The following OMA1 variants were observed in gnomAD, a reference collection of about 807,000 sequenced individuals.
The protein encoded by OMA1 is metalloendopeptidase OMA1, mitochondrial.
Under a neutral mutation model 30.9 loss-of-function variants are expected in OMA1, and 38 were observed. The ratio of observed to expected loss-of-function variants is 1.23; its 90% confidence interval spans 0.95 to 1.61. The LOEUF is 1.61. Ranked by LOEUF, OMA1 falls within the 40% of genes most tolerant of loss-of-function variation. OMA1 has a pLI of 0.00. For missense variants in OMA1, 461 were observed against 349.2 expected (o/e 1.32, Z -2.55); for synonymous variants, 173 against 121.9 (o/e 1.42, Z -2.76).
chr1:58,489,877 G>C (rs1054636959), intron 8 of OMA1, among the ~76,000 whole-genome samples: 2 of 152,206 alleles, frequency 1.3e-5, no homozygotes, highest in African/African-American at 2.4e-5. Flanking sequence ...CTGCAGCTGA[G>C]GGTCCTGACT....
chr1:58,500,273 TATG>T (rs1233231167), intron 8 of OMA1, among the ~76,000 whole-genome samples: 3 of 152,182 alleles, frequency 2.0e-5, no homozygotes, highest in African/African-American at 7.2e-5. Context: ...CAGCAGCTGC[TATG>T]ATATTTGCCT....
At chr1:58,494,214 T>A (rs1425863216) in intron 8 of OMA1, among the ~76,000 whole-genome samples, 1 of 152,182 alleles carries the variant, frequency 6.6e-6, no homozygotes, top group African/African-American at 2.4e-5. Context: ...TGGCTAGCCA[T>A]ATGGAGAAAG....
chr1:58,481,750 C>G (rs1215598254), intron 8 of OMA1, among the ~76,000 whole-genome samples: 1 of 152,094 alleles, frequency 6.6e-6, no homozygotes, highest in Non-Finnish European at 1.5e-5. Context: ...GTGCTGTTCT[C>G]ATGATAGTGA....
At chr1:58,539,639 C>CT (rs1387854212) in intron 1 of OMA1, among the ~76,000 whole-genome samples, 14 of 152,240 alleles carry the variant, frequency 9.2e-5, no homozygotes, top group Admixed American at 2.0e-4. Flanking sequence ...AACAGTAAAA[C>CT]TTTATCAGTT....
At chr1:58,500,695 ATGAG>A (rs1297132674) in intron 8 of OMA1, among the ~76,000 whole-genome samples, 1 of 152,198 alleles carries the variant, frequency 6.6e-6, no homozygotes, top group Non-Finnish European at 1.5e-5. Context: ...ACCATAAACA[ATGAG>A]TAAGTTCAAA....
intron 2 of OMA1, among the ~76,000 whole-genome samples, chr1:58,537,259 A>G (rs1397124603): frequency 1.3e-5 from 2 of 152,170 alleles, no homozygotes; most frequent in East Asian, 3.9e-4. Context: ...AAATGCCTAA[A>G]TAATTATGTA....
chr1:58,512,720 T>C (rs571643498), intron 7 of OMA1, among the ~76,000 whole-genome samples: 252 of 152,240 alleles, frequency 1.7e-3, no homozygotes, highest in Non-Finnish European at 2.7e-3. Flanking sequence ...AAGTAGAGAA[T>C]AGAATAGTGT....
At chr1:58,536,873 C>T (rs1041888948) in intron 2 of OMA1, 132 bp from the exon 3 acceptor site, 1 of 583,748 alleles carries the variant, frequency 1.7e-6, no homozygotes, top group Non-Finnish European at 3.0e-6. Flanking sequence ...GAATACATCG[C>T]TTTTCCAATT....
chr1:58,486,212 T>G (rs1187170084), intron 8 of OMA1, among the ~76,000 whole-genome samples: 1 of 152,178 alleles, frequency 6.6e-6, no homozygotes, highest in Non-Finnish European at 1.5e-5. Context: ...AGCAGGACCT[T>G]ACCTACAGAA....
chr1:58,546,244 AAG>A (rs780341600), intron 1 of OMA1, among the ~76,000 whole-genome samples: 49 of 152,348 alleles, frequency 3.2e-4, no homozygotes, highest in Admixed American at 1.4e-3. Context: ...GAAGGGGTGA[AAG>A]AGACGAATGC....
At position 58,539,013 on chromosome 1, in the gene OMA1, G is replaced by A. The variant is rs757269192; in HGVS notation, c.282C>T (p.Thr94=). 7 of 872,762 alleles carry A rather than the reference G, an allele frequency of 8.0e-6. 1 individual carries two copies. The South Asian group carries it at 9.1e-5, about 11-fold the overall frequency. 54.1% of individuals were successfully genotyped at this position (872,762 alleles called of 1,614,324 possible). ...CATCATTCCATACAGTACATTTGCT[G>A]GTAATCCTCCAAATTTCCTTACTTT... is the stretch of plus-strand genomic sequence containing the variant. The part of the protein sequence containing the change: ...STKSKEIWRI[T]SKCTVWNDAF... Residue 94 remains threonine, a synonymous_variant, in exon 2 of 9, where the codon ACC becomes ACT. Transcript: ENST00000371226.
intron 7 of OMA1, among the ~76,000 whole-genome samples, chr1:58,515,554 G>T (rs1433678333): frequency 1.3e-5 from 2 of 152,070 alleles, no homozygotes; most frequent in Non-Finnish European, 2.9e-5. Context: ...ATTTTTCTGG[G>T]TGATAAAATT....
chr1:58,514,595 T>C (rs1370312158), intron 7 of OMA1, among the ~76,000 whole-genome samples: 3 of 152,190 alleles, frequency 2.0e-5, no homozygotes, highest in Non-Finnish European at 4.4e-5. Flanking sequence ...GTCCCAGTCA[T>C]TGTAGCATCC....
chr1:58,541,293 CAAAAAAAAAAAAAAA>C (rs71043292), intron 1 of OMA1, among the ~76,000 whole-genome samples: 185 of 27,520 alleles, frequency 6.7e-3, no homozygotes, highest in Admixed American at 0.025. Flanking sequence ...GACTCTGTCT[CAAAAAAAAAAAAAAA>C]AAAAAAAAAA....
chr1:58,531,608 C>A (rs1205528446), intron 5 of OMA1, among the ~76,000 whole-genome samples: 1 of 152,108 alleles, frequency 6.6e-6, no homozygotes, highest in Non-Finnish European at 1.5e-5. Flanking sequence ...AATATTGTCC[C>A]TTAACAAATA....
intron 7 of OMA1, among the ~76,000 whole-genome samples, chr1:58,518,653 A>G (rs1646211743): frequency 6.6e-6 from 1 of 151,782 alleles, no homozygotes. Context: ...GGAGGACTCC[A>G]GGGTTTTTTT....
At position 58,534,300 on chromosome 1, in the gene OMA1, G is replaced by A. The variant is rs1157277926; in HGVS notation, c.761C>T (p.Thr254Ile). 1.2e-6 allele frequency: 1 copy of A among 859,592 alleles called. No individual in the cohort carries two copies. The highest frequency in any genetic ancestry group is 2.0e-6 in the Non-Finnish European group (1 of 498,320). 53.2% of individuals were successfully genotyped at this position (859,592 alleles called of 1,614,324 possible). A position where few individuals can be genotyped will look rare whatever the true frequency, so the allele number is the denominator to read the frequency against. ...AGCCAGGTATCGGGCATCTTTCTCA[G>A]TTAGCATATCATTTTTAAATTCTTC... ...WMEEFKNDMLTEKDARYLAVK... is the reference protein window; with the variant it reads ...WMEEFKNDMLIEKDARYLAVK... The change falls in exon 4 of 9, where the codon ACT becomes ATT. Residue 254 changes from threonine (T) to isoleucine (I), a missense_variant. Physicochemically the swap from Thr to Ile is moderately conservative, Grantham distance 89 (BLOSUM62 -1). Transcript: ENST00000371226.
At chr1:58,496,753 A>G (rs902440561) in intron 8 of OMA1, among the ~76,000 whole-genome samples, 5 of 152,188 alleles carry the variant, frequency 3.3e-5, no homozygotes, top group African/African-American at 1.2e-4. Context: ...TCTTAAGTCT[A>G]TTCCTGAATA....
At chr1:58,527,447 C>G in intron 6 of OMA1, 112 bp from the exon 7 acceptor site, 1 of 644,740 alleles carries the variant, frequency 1.6e-6, no homozygotes, top group Non-Finnish European at 2.8e-6. Context: ...GATAAAATTC[C>G]TATACTGTCT....
Sources: gnomAD v4.1 joint callset for allele counts (sites outside exome capture counted in the v4.1 genomes callset) on GRCh38, gnomAD v4.1.1 for gene constraint, MANE v1.5 for transcripts, NCBI Gene and HGNC (gene_info 2026-07-23, HGNC 2026-07-21) for gene names.